The following PTPRM variants were observed in gnomAD, a reference collection of about 807,000 sequenced individuals.
PTPRM encodes the protein protein tyrosine phosphatase receptor type M, also known as receptor-type tyrosine-protein phosphatase mu.
In PTPRM, 47 loss-of-function variants were observed where a neutral mutation model predicts 186.7. The ratio of observed to expected loss-of-function variants is 0.25; its 90% CI spans 0.20 to 0.32. The LOEUF (loss-of-function observed/expected upper bound fraction) is 0.32. PTPRM is among the 10% of genes least tolerant of loss of function. The pLI is 1.00. For missense variants in PTPRM, 1,494 were observed against 1,865.0 expected (o/e 0.80, Z 3.66); for synonymous variants, 668 against 674.9 (o/e 0.99, Z 0.16).
intron 14 of PTPRM, 135 bp downstream of exon 14, chr18:8,143,914 T>A (rs1291290307): frequency 8.5e-7 from 1 of 1,176,730 alleles, no homozygotes; most frequent in African/African-American, 1.5e-5. Context: ...ATTGTTAACA[T>A]TTTTCATCAT....
intron 23 of PTPRM, among the ~76,000 whole-genome samples, chr18:8,368,090 G>A (rs2095642958): frequency 6.6e-6 from 1 of 151,642 alleles, no homozygotes; most frequent in Non-Finnish European, 1.5e-5. Flanking sequence ...AAGTGTGCCT[G>A]TATACCATAT....
At position 8,069,883 on chromosome 18, in the gene PTPRM, C is replaced by T. The variant is rs769109725; in HGVS notation, c.1330C>T (p.His444Tyr). Residue 444 changes from histidine to tyrosine, a missense_variant, in exon 8 of 33, where the codon CAC (histidine) becomes TAC (tyrosine). His to Tyr is a moderately conservative substitution (Grantham distance 83). Coordinates refer to ENST00000580170, the MANE Select transcript of PTPRM (RefSeq NM_001105244.2). ...GGATACAGAAAACTCACACCCTCAA[C>T]ACACGATCACTAACCTGTCACCATA... ...SWDTENSHPQ[H>Y]TITNLSPYTN... The T allele has an allele frequency of 1.2e-6, 2 of 1,613,748 alleles. No individual in the cohort carries two copies. Among genetic ancestry groups the T allele is most frequent in the South Asian group, 2.2e-5 (2 of 91,046 alleles).
rs528170332 is a variant in PTPRM, at chr18:8,296,647, G to C, written c.2842+192G>C. On this transcript the variant is annotated intron_variant, in intron 20 of 32. Coordinates refer to ENST00000580170, the MANE Select transcript of PTPRM (RefSeq NM_001105244.2). The stretch of plus-strand genomic sequence containing the variant: ...CCCACTTCATCATTGTACTGTTGTC[G>C]TGGGCCCTGTTTTCCTTTTAGATTT... 5.9e-5 allele frequency among the ~76,000 whole-genome samples: 9 copies of C among 152,246 alleles called. No individual in the cohort carries two copies. In the East Asian group the frequency reaches 1.2e-3, roughly 20 times the overall value.
intron 7 of PTPRM, among the ~76,000 whole-genome samples, chr18:7,993,394 T>G (rs1334426626): frequency 6.6e-6 from 1 of 152,054 alleles, no homozygotes; most frequent in African/African-American, 2.4e-5. Context: ...CTGAATATAC[T>G]TAACACATAA....
intron 5 of PTPRM, among the ~76,000 whole-genome samples, chr18:7,932,073 A>T (rs1235624313): frequency 6.6e-6 from 1 of 151,916 alleles, no homozygotes; most frequent in Non-Finnish European, 1.5e-5. Context: ...TGCATTCCTT[A>T]CTCCTGTTAG....
At chr18:8,371,078 C>A in intron 24 of PTPRM, 72 bp downstream of exon 24, 1 of 858,514 alleles carries the variant, frequency 1.2e-6, no homozygotes, top group Non-Finnish European at 1.8e-6. Flanking sequence ...ATTAACTTAC[C>A]TAGGATACTT....
intron 7 of PTPRM, among the ~76,000 whole-genome samples, chr18:7,973,072 A>G (rs1189140663): frequency 1.3e-5 from 2 of 152,140 alleles, no homozygotes; most frequent in Non-Finnish European, 2.9e-5. Context: ...AATATATATA[A>G]CCCACTCTTA....
chr18:7,734,747 A>G (rs552851217), intron 1 of PTPRM, among the ~76,000 whole-genome samples: 1 of 152,228 alleles, frequency 6.6e-6, no homozygotes, highest in African/African-American at 2.4e-5. Context: ...AAATTAGTCC[A>G]TGGTAGCCTC....
intron 2 of PTPRM, among the ~76,000 whole-genome samples, chr18:7,856,741 C>G (rs1025173353): frequency 4.2e-5 from 2 of 47,448 alleles, no homozygotes; most frequent in Non-Finnish European, 7.2e-5. Context: ...AAGACCCTGT[C>G]TCAAAAAAAA....
intron 1 of PTPRM, among the ~76,000 whole-genome samples, chr18:7,654,221 T>C (rs1402802137): frequency 6.6e-6 from 1 of 152,212 alleles, no homozygotes; most frequent in Non-Finnish European, 1.5e-5. Context: ...TATTAGACTT[T>C]TGTCAGATAA....
At chr18:7,702,374 A>G (rs937014344) in intron 1 of PTPRM, among the ~76,000 whole-genome samples, 1 of 152,128 alleles carries the variant, frequency 6.6e-6, no homozygotes, top group Admixed American at 6.5e-5. Flanking sequence ...CTTTTTAATG[A>G]TAGCCATTCT....
chr18:8,217,334 C>T (rs74961404), intron 14 of PTPRM, among the ~76,000 whole-genome samples: 7,701 of 152,210 alleles, frequency 0.051, 246 homozygotes, highest in Non-Finnish European at 0.068. Context: ...CAGAGGAACC[C>T]GAGCCCCTGG....
At chr18:8,055,621 G>A (rs2087867210) in intron 7 of PTPRM, among the ~76,000 whole-genome samples, 2 of 151,832 alleles carry the variant, frequency 1.3e-5, no homozygotes, top group Non-Finnish European at 2.9e-5. Flanking sequence ...TGAGTGATGT[G>A]AATCTGTTGT....
intron 14 of PTPRM, among the ~76,000 whole-genome samples, chr18:8,188,247 C>T (rs190426955): frequency 1.3e-5 from 2 of 152,236 alleles, no homozygotes; most frequent in Admixed American, 1.3e-4. Flanking sequence ...ATTTGAATAC[C>T]ATGTAGTCAG....
intron 11 of PTPRM, among the ~76,000 whole-genome samples, chr18:8,107,616 G>A (rs763478315): frequency 1.3e-5 from 2 of 152,030 alleles, no homozygotes; most frequent in Admixed American, 6.6e-5. Flanking sequence ...TATGAGTTAC[G>A]GCTGAGAGAA....
chr18:8,014,533 T>G (rs1377968133), intron 7 of PTPRM, among the ~76,000 whole-genome samples: 1 of 152,188 alleles, frequency 6.6e-6, no homozygotes, highest in African/African-American at 2.4e-5. Flanking sequence ...ACGGTTAGGA[T>G]AATTGCCTTT....
intron 14 of PTPRM, among the ~76,000 whole-genome samples, chr18:8,174,180 T>C (rs1295058111): frequency 2.6e-5 from 4 of 152,222 alleles, no homozygotes; most frequent in African/African-American, 9.6e-5. Context: ...CATTTTCCTT[T>C]ACACTTTAGC....
At chr18:8,162,722 A>C (rs1234431058) in intron 14 of PTPRM, among the ~76,000 whole-genome samples, 1 of 152,212 alleles carries the variant, frequency 6.6e-6, no homozygotes. Context: ...TTTATCTGAG[A>C]ATAAGTACAT....
At chr18:7,792,395 G>A (rs2145220693) in intron 2 of PTPRM, among the ~76,000 whole-genome samples, 1 of 152,238 alleles carries the variant, frequency 6.6e-6, no homozygotes, top group East Asian at 1.9e-4. Flanking sequence ...TGAAGAGCCT[G>A]TGGCTCTTCT....
Sources: allele counts gnomAD v4.1 joint callset (sites outside exome capture counted in the v4.1 genomes callset), GRCh38; gene constraint gnomAD v4.1.1; transcripts MANE v1.5; gene names NCBI Gene and HGNC (gene_info 2026-07-23, HGNC 2026-07-21).